The following ACACA variants were observed in gnomAD, a reference collection of about 807,000 sequenced individuals.
ACACA encodes the protein acetyl-CoA carboxylase alpha.
Under a neutral mutation model 296.1 loss-of-function variants are expected in ACACA, and 103 were observed. That is an observed-to-expected ratio of 0.35 (90% CI 0.30 to 0.41). The LOEUF (loss-of-function observed/expected upper bound fraction) is 0.41. Ranked by LOEUF, ACACA falls within the 10% of genes least tolerant of loss-of-function variation. The pLI is 1.00. For synonymous variants in ACACA, 953 were observed against 1,038.6 expected, an observed-to-expected ratio of 0.92 and a Z score of 1.58; for missense variants, 1,554 against 2,989.7, an observed-to-expected ratio of 0.52 and a Z score of 11.20.
intron 1 of ACACA, chr17:37,389,187 A>G (rs2050679479): frequency 6.5e-7 from 1 of 1,533,968 alleles, no homozygotes; most frequent in Admixed American, 2.1e-5. Context: ...AGAGGTTTGG[A>G]AGAAAACCAA....
At chr17:37,153,903 T>A (rs2076140748) in intron 43 of ACACA, among the ~76,000 whole-genome samples, 2 of 152,146 alleles carry the variant, frequency 1.3e-5, no homozygotes, top group Admixed American at 6.5e-5. Flanking sequence ...ACATACCCTG[T>A]TTCTTTTTGG....
intron 1 of ACACA, chr17:37,388,624 T>C (rs1325761839): frequency 6.3e-7 from 1 of 1,581,564 alleles, no homozygotes; most frequent in Admixed American, 1.7e-5. Flanking sequence ...CTCTTTCCTC[T>C]CTCAAATTTT....
chr17:37,405,227 C>A (rs2051433563), intron 1 of ACACA, among the ~76,000 whole-genome samples: 1 of 152,200 alleles, frequency 6.6e-6, no homozygotes, highest in South Asian at 2.1e-4. Flanking sequence ...TCACTCTTAT[C>A]CTTTTATCCT....
intron 2 of ACACA, among the ~76,000 whole-genome samples, chr17:37,334,517 A>T (rs2048022432): frequency 6.7e-6 from 1 of 150,368 alleles, no homozygotes; most frequent in Non-Finnish European, 1.5e-5. Flanking sequence ...GGAGTCTTGG[A>T]TACATCACAC....
chr17:37,153,961 C>G (rs1213880715), intron 43 of ACACA, among the ~76,000 whole-genome samples: 1 of 152,140 alleles, frequency 6.6e-6, no homozygotes, highest in Non-Finnish European at 1.5e-5. Flanking sequence ...AATGTGTAAA[C>G]TCAATACAAT....
chr17:37,176,086 C>A (rs1398892308), intron 41 of ACACA, among the ~76,000 whole-genome samples: 1 of 152,036 alleles, frequency 6.6e-6, no homozygotes, highest in Non-Finnish European at 1.5e-5. Flanking sequence ...TATTTACTGT[C>A]CTGGAAAAAA....
intron 5 of ACACA, among the ~76,000 whole-genome samples, chr17:37,280,420 T>C (rs1020923792): frequency 3.9e-5 from 6 of 152,144 alleles, no homozygotes; most frequent in Non-Finnish European, 5.9e-5. Context: ...TGGTCCAGGC[T>C]GACCTTGAAC....
At chr17:37,343,488 CG>C (rs1482536840) in intron 1 of ACACA, among the ~76,000 whole-genome samples, 6 of 151,844 alleles carry the variant, frequency 4.0e-5, no homozygotes, top group Non-Finnish European at 8.8e-5. Context: ...TCAAAGAGGC[CG>C]GGTGCAGTGG....
chr17:37,330,323 T>G lies in ACACA; in HGVS notation c.188A>C (p.Glu63Ala), dbSNP rs773638947. 12 of 1,614,182 alleles carry G rather than the reference T, an allele frequency of 7.4e-6. No individual in the cohort carries two copies. The highest frequency in any genetic ancestry group is 1.0e-5 in the Non-Finnish European group (12 of 1,180,016). The part of the protein sequence containing the change: ...HSRFIIGSVS[E>A]DNSEDEISNL... ...GCTGATCTCATCCTCTGAGTTATCT[T>G]CAGACACAGAACCTATTATGAATCG... The change falls in exon 3 of 56, where the codon GAA (glutamate) becomes GCA (alanine). Residue 63 changes from glutamate to alanine, a missense_variant. This residue lies in a region of ACACA where 140 missense variants were observed against 147.7 expected (regional missense o/e 0.95). Transcript: ENST00000616317.
intron 41 of ACACA, 125 bp from the exon 42 acceptor site, chr17:37,162,175 G>C (rs774542664): frequency 3.9e-5 from 40 of 1,022,558 alleles, no homozygotes; most frequent in Admixed American, 8.1e-5. Context: ...TTGCTAAAGA[G>C]CCAAACTCCC....
rs2079384252 is a variant in ACACA, at chr17:37,223,362, G to A, written c.3564+150C>T. On this transcript the variant is annotated intron_variant, in intron 28 of 55. Transcript: ENST00000616317. Reference sequence around the variant, plus strand: ...ACACTTGAGTAAAGTATCTGAGTAAGCACATACTGTTTCAGAGGAAAAGAG... The same window carrying A: ...ACACTTGAGTAAAGTATCTGAGTAAACACATACTGTTTCAGAGGAAAAGAG... 4.3e-6 allele frequency: 3 copies of A among 704,282 alleles called. No individual in the cohort carries two copies. In the South Asian group the frequency reaches 4.8e-5, roughly 11 times the overall value. The allele number at this position is 704,282 out of a possible 1,614,324, so 43.6% of individuals were successfully genotyped here.
Position 37,406,309 on chromosome 17 carries a change from ATTGCGCCTCAAT to A in ACACA, c.-22_-11del. ...GAGTAGACCACCACATCCTCTCATC[ATTGCGCCTCAAT>A]TTGGGCCTCTGAAGCCCAAAGAGGG... On this transcript the variant is annotated 5_prime_UTR_variant, in exon 1 of 56. It adds an upstream start codon to the 5' untranslated region. Coordinates refer to ENST00000616317, the MANE Select transcript of ACACA (RefSeq NM_198834.3). 1.2e-6 allele frequency: 2 copies of A among 1,614,150 alleles called. No individual in the cohort carries two copies. The highest frequency in any genetic ancestry group is 1.7e-6 in the Non-Finnish European group (2 of 1,180,000).
rs568619155 is a variant in ACACA, at chr17:37,226,752, G to A, written c.3247-300C>T. The stretch of plus-strand genomic sequence containing the variant: ...AGAGACCACTAAAAGGGGCCAAGGG[G>A]ATTCTGAGTAAGAAATAATAGATAT... On this transcript the variant is annotated intron_variant, in intron 25 of 55. Coordinates refer to ENST00000616317, the MANE Select transcript of ACACA (RefSeq NM_198834.3). Among the ~76,000 whole-genome samples, 17 of 152,232 alleles carry A rather than the reference G, an allele frequency of 1.1e-4. No homozygotes were observed. The East Asian group carries it at 3.3e-3, about 29-fold the overall frequency.
At chr17:37,230,183 G>A (rs1231190937) in intron 25 of ACACA, among the ~76,000 whole-genome samples, 6 of 151,928 alleles carry the variant, frequency 3.9e-5, no homozygotes, top group African/African-American at 1.2e-4. Context: ...TCAGGCGTTC[G>A]AGACCAGCCT....
chr17:37,315,761 C>T (rs2047056966), intron 3 of ACACA, among the ~76,000 whole-genome samples: 1 of 152,180 alleles, frequency 6.6e-6, no homozygotes, highest in African/African-American at 2.4e-5. Flanking sequence ...AGGCATACAG[C>T]TCTACCAGAA....
intron 39 of ACACA, among the ~76,000 whole-genome samples, chr17:37,184,834 G>A (rs2077461746): frequency 7.3e-6 from 1 of 137,332 alleles, no homozygotes; most frequent in African/African-American, 2.9e-5. Flanking sequence ...GGGCAAGATA[G>A]TGAGACCCTG....
intron 3 of ACACA, among the ~76,000 whole-genome samples, chr17:37,307,789 T>C (rs924548012): frequency 6.6e-6 from 1 of 152,060 alleles, no homozygotes; most frequent in African/African-American, 2.4e-5. Flanking sequence ...GGTTTCATAA[T>C]GTTGTCCAAG....
chr17:37,350,134 G>T (rs1457064044), intron 1 of ACACA, among the ~76,000 whole-genome samples: 3 of 151,802 alleles, frequency 2.0e-5, no homozygotes, highest in African/African-American at 7.3e-5. Context: ...GACCAGGCTG[G>T]GCAACAAAGT....
intron 41 of ACACA, among the ~76,000 whole-genome samples, chr17:37,172,262 T>A (rs1478722231): frequency 6.6e-6 from 1 of 152,156 alleles, no homozygotes; most frequent in Non-Finnish European, 1.5e-5. Context: ...AGTGGATGCA[T>A]TAGGATTTTC....
Sources: gnomAD v4.1 joint callset for allele counts (sites outside exome capture counted in the v4.1 genomes callset) on GRCh38, gnomAD v4.1.1 for gene constraint, gnomAD v4.1.1 regional missense constraint, MANE v1.5 for transcripts, NCBI Gene and HGNC (gene_info 2026-07-23, HGNC 2026-07-21) for gene names.